Variants in SND1 observed in about 807,000 individuals in gnomAD.
SND1 encodes staphylococcal nuclease domain-containing protein 1.
Under a neutral mutation model 121.7 loss-of-function variants are expected in SND1, and 38 were observed. The observed-to-expected ratio is 0.31, with a 90% CI of 0.24 to 0.41. The LOEUF is 0.41. Ranked by LOEUF, SND1 falls within the 10% of genes least tolerant of loss-of-function variation. SND1 has a pLI of 1.00. For missense variants in SND1, 868 were observed against 1,184.6 expected, an observed-to-expected ratio of 0.73 and a Z score of 3.92; for synonymous variants, 401 against 447.4, an observed-to-expected ratio of 0.90 and a Z score of 1.31.
In SND1 at chr7:128,089,705, G is replaced by A. The variant is rs754051168; in HGVS notation, c.2622+13G>A. On this transcript the variant is annotated intron_variant, in intron 22 of 23. Coordinates refer to ENST00000354725, the MANE Select transcript of SND1 (RefSeq NM_014390.4). Reference sequence around the variant, plus strand: ...GTTCCAGAAAGTGGTATGTGATGTGGAGAGGCGGCCCCAGCATTGCGCCAC... The same window carrying A: ...GTTCCAGAAAGTGGTATGTGATGTGAAGAGGCGGCCCCAGCATTGCGCCAC... 3.1e-6 allele frequency: 5 copies of A among 1,612,756 alleles called. No homozygotes were observed. In the Admixed American group the frequency reaches 6.7e-5, roughly 22 times the overall value.
In SND1 at chr7:127,718,804, A is replaced by G. The variant is rs564206199; in HGVS notation, c.1039-2483A>G. The G allele has an allele frequency of 5.5e-6, 5 of 909,946 alleles. No individual in the cohort carries two copies. In the South Asian group the frequency reaches 2.5e-4, roughly 46 times the overall value. 56.4% of individuals were successfully genotyped at this position (909,946 alleles called of 1,614,324 possible). ...TCTTTGGTTTTATTACTCTCTAAGC[A>G]TGACTAGGGAGCAGAAAACGTCTAG... On this transcript the variant is annotated intron_variant, in intron 9 of 23. Coordinates refer to ENST00000354725, the MANE Select transcript of SND1 (RefSeq NM_014390.4).
intron 12 of SND1, among the ~76,000 whole-genome samples, chr7:127,851,066 C>G (rs1455566478): frequency 1.3e-5 from 2 of 152,130 alleles, no homozygotes; most frequent in Non-Finnish European, 2.9e-5. Flanking sequence ...AGTCTTATTT[C>G]CTTAAAAATG....
chr7:127,900,594 G>A (rs150532420), intron 13 of SND1, among the ~76,000 whole-genome samples: 10 of 152,316 alleles, frequency 6.6e-5, no homozygotes, highest in African/African-American at 2.4e-4. Context: ...CAGCTAATAT[G>A]TGAGAGTTTC....
intron 14 of SND1, among the ~76,000 whole-genome samples, chr7:127,928,493 T>A (rs564583048): frequency 6.6e-6 from 1 of 150,464 alleles, no homozygotes; most frequent in Non-Finnish European, 1.5e-5. Context: ...CTATGTGAGA[T>A]AGCCTAGGCG....
intron 21 of SND1, among the ~76,000 whole-genome samples, chr7:128,087,449 G>A (rs971663796): frequency 1.3e-5 from 2 of 152,194 alleles, no homozygotes; most frequent in African/African-American, 4.8e-5. Context: ...TAGGAGAAGT[G>A]TGACATGGTC....
At chr7:128,077,380 G>C (rs1429861542) in intron 17 of SND1, among the ~76,000 whole-genome samples, 1 of 152,210 alleles carries the variant, frequency 6.6e-6, no homozygotes, top group African/African-American at 2.4e-5. Context: ...GACCTGCCTG[G>C]TCTGTGCCTG....
intron 1 of SND1, among the ~76,000 whole-genome samples, chr7:127,670,818 C>A (rs565059613): frequency 2.0e-5 from 3 of 149,596 alleles, no homozygotes; most frequent in Admixed American, 6.6e-5. Flanking sequence ...AGCCATAGAT[C>A]ACGTTTATAT....
intron 16 of SND1, among the ~76,000 whole-genome samples, chr7:128,019,507 G>A (rs376048574): frequency 2.6e-5 from 4 of 152,106 alleles, no homozygotes; most frequent in East Asian, 1.9e-4. Context: ...AGAAATTGCC[G>A]CTCCTTAATG....
At chr7:127,997,543 C>G in intron 16 of SND1, 1 of 357,462 alleles carries the variant, frequency 2.8e-6, no homozygotes, top group South Asian at 2.2e-5. Flanking sequence ...TTCCCATTTG[C>G]TCATGTATGT....
intron 16 of SND1, chr7:128,028,130 G>A (rs1803532441): frequency 6.5e-6 from 1 of 152,674 alleles, no homozygotes; most frequent in African/African-American, 2.4e-5. Flanking sequence ...AGCCTCTGAA[G>A]AAAAATATTA....
intron 15 of SND1, among the ~76,000 whole-genome samples, chr7:127,982,826 G>T (rs1317845106): frequency 6.6e-6 from 1 of 152,206 alleles, no homozygotes; most frequent in Non-Finnish European, 1.5e-5. Flanking sequence ...TAAAGCTTAT[G>T]AGCAAGAAGT....
At chr7:127,724,914 T>C (rs1399617268) in intron 10 of SND1, among the ~76,000 whole-genome samples, 1 of 152,196 alleles carries the variant, frequency 6.6e-6, no homozygotes, top group Non-Finnish European at 1.5e-5. Flanking sequence ...CTATGGATGC[T>C]GCTCCAGCAG....
intron 11 of SND1, among the ~76,000 whole-genome samples, chr7:127,818,877 T>G (rs112151480): frequency 1.5e-3 from 222 of 152,324 alleles, no homozygotes; most frequent in African/African-American, 4.7e-3. Context: ...GGTGACCTGG[T>G]CTTTGATTAG....
intron 16 of SND1, among the ~76,000 whole-genome samples, chr7:128,066,061 G>C (rs143848262): frequency 1.1e-3 from 161 of 152,344 alleles, no homozygotes; most frequent in South Asian, 3.3e-3. Context: ...TTTGTAAACT[G>C]TGTTAGCGCT....
chr7:127,966,190 A>G (rs1036504928), intron 15 of SND1, among the ~76,000 whole-genome samples: 1 of 151,232 alleles, frequency 6.6e-6, no homozygotes, highest in Non-Finnish European at 1.5e-5. Flanking sequence ...AATTTTGTTG[A>G]TCCTTTCAAA....
intron 9 of SND1, among the ~76,000 whole-genome samples, chr7:127,712,755 T>C (rs927260093): frequency 6.6e-6 from 1 of 152,244 alleles, no homozygotes; most frequent in Admixed American, 6.5e-5. Flanking sequence ...TTTGGGCTTA[T>C]GTATAGATAC....
In SND1 at chr7:128,030,522, G is replaced by A. The variant is rs1044354563; in HGVS notation, c.1779+39466G>A. On this transcript the variant is annotated intron_variant, in intron 16 of 23. Transcript: ENST00000354725. ...GGAGGGGCAGTTCTGGGGCCCGGCTGAGGCGGCAGCAGCGATGGCTGCACA... is the reference window on the plus strand; with the variant it reads ...GGAGGGGCAGTTCTGGGGCCCGGCTAAGGCGGCAGCAGCGATGGCTGCACA... 6.2e-7 allele frequency: 1 copy of A among 1,613,410 alleles called. No individual in the cohort carries two copies.
chr7:127,788,727 T>C (rs1020435971), intron 10 of SND1, among the ~76,000 whole-genome samples: 1 of 152,222 alleles, frequency 6.6e-6, no homozygotes, highest in Admixed American at 6.5e-5. Flanking sequence ...CTCTTCTCTT[T>C]GGGATCACTG....
intron 10 of SND1, among the ~76,000 whole-genome samples, chr7:127,791,339 G>A (rs1267386413): frequency 6.6e-6 from 1 of 151,940 alleles, no homozygotes; most frequent in African/African-American, 2.4e-5. Flanking sequence ...TTTTTGTAGA[G>A]ACAGGGTCTC....
Sources: gnomAD v4.1 joint callset for allele counts (sites outside exome capture counted in the v4.1 genomes callset) on GRCh38, gnomAD v4.1.1 for gene constraint, MANE v1.5 for transcripts, NCBI Gene and HGNC (gene_info 2026-07-23, HGNC 2026-07-21) for gene names.